The following COL19A1 variants were observed in gnomAD, a reference collection of about 807,000 sequenced individuals.
COL19A1 encodes the protein collagen type XIX alpha 1 chain.
In COL19A1, 159 loss-of-function variants were observed where a neutral mutation model predicts 190.2. That is an observed-to-expected ratio of 0.84 (90% confidence interval 0.73 to 0.95). The LOEUF (loss-of-function observed/expected upper bound fraction) is 0.95, where lower values mean the gene tolerates loss of function less well. Among genes scored for constraint, COL19A1 ranks in the 40% least tolerant of loss-of-function variants. The pLI is 0.00. For missense variants in COL19A1, 1,418 were observed against 1,431.9 expected (o/e 0.99, Z 0.16); for synonymous variants, 509 against 458.9 (o/e 1.11, Z -1.39).
chr6:70,120,109 G>C (rs1368042669), intron 16 of COL19A1, among the ~76,000 whole-genome samples: 2 of 152,024 alleles, frequency 1.3e-5, no homozygotes, highest in African/African-American at 4.8e-5. Context: ...ACAACAAAAA[G>C]AGTTTGCTAT....
chr6:69,894,138 T>C (rs1161245815), intron 2 of COL19A1, among the ~76,000 whole-genome samples: 1 of 152,244 alleles, frequency 6.6e-6, no homozygotes, highest in African/African-American at 2.4e-5. Context: ...CGGTCACTCA[T>C]ATTTGGCTGA....
chr6:70,199,822 G>A (rs1767440236), intron 49 of COL19A1, 86 bp downstream of exon 49: 1 of 1,326,020 alleles, frequency 7.5e-7, no homozygotes, highest in Non-Finnish European at 1.0e-6. Context: ...AAAAAAGTAT[G>A]TATGTATGTC....
intron 11 of COL19A1, among the ~76,000 whole-genome samples, chr6:69,985,847 G>A (rs553326539): frequency 6.6e-6 from 1 of 152,088 alleles, no homozygotes; most frequent in South Asian, 2.1e-4. Context: ...ATCTTAAAAG[G>A]CATATTATCA....
At chr6:70,178,484 A>G (rs755280069) in intron 42 of COL19A1, among the ~76,000 whole-genome samples, 1 of 152,230 alleles carries the variant, frequency 6.6e-6, no homozygotes, top group Non-Finnish European at 1.5e-5. Flanking sequence ...TTAGATTTTT[A>G]TAACTGGCCC....
chr6:70,036,604 T>C (rs1233034848), intron 14 of COL19A1, among the ~76,000 whole-genome samples: 1 of 152,152 alleles, frequency 6.6e-6, no homozygotes, highest in African/African-American at 2.4e-5. Flanking sequence ...CATAGGTGAT[T>C]AAAGATTCTT....
intron 41 of COL19A1, among the ~76,000 whole-genome samples, chr6:70,175,452 G>C (rs150701936): frequency 8.6e-5 from 13 of 151,838 alleles, no homozygotes; most frequent in African/African-American, 2.9e-4. Context: ...ATAAATCTAT[G>C]TGGAATTCAT....
intron 4 of COL19A1, among the ~76,000 whole-genome samples, chr6:69,922,840 G>T (rs541044316): frequency 6.1e-4 from 93 of 152,130 alleles, no homozygotes; most frequent in African/African-American, 2.2e-3. Flanking sequence ...GTACATCTCT[G>T]TCTTTCATTT....
rs1181014408 is a variant in COL19A1 at position 70,102,219 on chromosome 6, A to G, written c.1275A>G (p.Pro425=). ...CCGGAAAACCAGGACCCCCAGGACC[A>G]CCTGTGAGTAAACAATACAATGACT... ...GPPGKPGPPG[P]PGPPGIQGIH... is the part of the protein sequence containing the mutation. The change falls in exon 16 of 51, where the codon CCA becomes CCG. Residue 425 remains proline (P), a synonymous_variant. Transcript: ENST00000620364. The G allele has an allele frequency of 1.2e-6, 2 of 1,610,560 alleles. No homozygotes were observed. The highest frequency in any genetic ancestry group is 1.7e-5 in the Admixed American group (1 of 59,986).
At chr6:70,152,138 T>C (rs762612381) in intron 31 of COL19A1, among the ~76,000 whole-genome samples, 3 of 152,028 alleles carry the variant, frequency 2.0e-5, no homozygotes, top group Non-Finnish European at 4.4e-5. Context: ...TATGCTAAGA[T>C]TGAGTGAGGC....
chr6:70,157,274 T>C (rs1253273740), intron 34 of COL19A1, among the ~76,000 whole-genome samples: 1 of 152,160 alleles, frequency 6.6e-6, no homozygotes, highest in Non-Finnish European at 1.5e-5. Context: ...GCTCACCCGT[T>C]GGACTAAGGT....
chr6:70,036,623 T>C (rs573751241), intron 14 of COL19A1, among the ~76,000 whole-genome samples: 2 of 152,244 alleles, frequency 1.3e-5, no homozygotes, highest in South Asian at 4.1e-4. Flanking sequence ...TTATTTAACT[T>C]AAATAAGACT....
intron 36 of COL19A1, among the ~76,000 whole-genome samples, chr6:70,163,661 C>T (rs995049966): frequency 1.3e-5 from 2 of 152,160 alleles, no homozygotes; most frequent in Non-Finnish European, 2.9e-5. Context: ...CCTGGGCAAC[C>T]ATCTATGTGG....
In COL19A1 at chr6:70,110,479, C is replaced by T. The variant is rs570452141; in HGVS notation, c.1278+8257C>T. ...TTTCTCAGATTTAAAAATATAGACA[C>T]ATAAGACCTATAAAATGGAGACATG... On this transcript the variant is annotated intron_variant, in intron 16 of 50. Coordinates refer to ENST00000620364, the MANE Select transcript of COL19A1 (RefSeq NM_001858.6). 2.6e-5 allele frequency among the ~76,000 whole-genome samples: 4 copies of T among 152,216 alleles called. No individual in the cohort carries two copies. In the East Asian group the frequency reaches 5.8e-4, roughly 22 times the overall value.
At chr6:70,090,822 C>T (rs953190583) in intron 15 of COL19A1, among the ~76,000 whole-genome samples, 1 of 152,166 alleles carries the variant, frequency 6.6e-6, no homozygotes, top group African/African-American at 2.4e-5. Flanking sequence ...CAAGGCCCAG[C>T]CTAATCTGGC....
At chr6:69,969,632 T>G (rs1775310256) in intron 11 of COL19A1, among the ~76,000 whole-genome samples, 1 of 152,164 alleles carries the variant, frequency 6.6e-6, no homozygotes, top group African/African-American at 2.4e-5. Context: ...TTACATTGTG[T>G]TAGGTATTAT....
chr6:69,948,662 G>A (rs907167852), intron 9 of COL19A1, among the ~76,000 whole-genome samples: 1 of 151,792 alleles, frequency 6.6e-6, no homozygotes, highest in Non-Finnish European at 1.5e-5. Flanking sequence ...TCTTAGAAAA[G>A]AGAGGGCATT....
At chr6:70,201,050 G>T (rs1179852536) in intron 49 of COL19A1, among the ~76,000 whole-genome samples, 2 of 152,134 alleles carry the variant, frequency 1.3e-5, no homozygotes, top group Non-Finnish European at 2.9e-5. Flanking sequence ...TTCGCTGGTT[G>T]GGTCTATTCT....
intron 2 of COL19A1, among the ~76,000 whole-genome samples, chr6:69,896,603 T>C (rs1398956747): frequency 1.3e-5 from 2 of 150,972 alleles, no homozygotes; most frequent in Non-Finnish European, 3.0e-5. Context: ...AGTGTACTAA[T>C]TTCCACTCCT....
intron 49 of COL19A1, 38 bp from the exon 50 acceptor site, chr6:70,206,863 C>T (rs1485945458): frequency 6.3e-7 from 1 of 1,585,082 alleles, no homozygotes; most frequent in East Asian, 2.2e-5. Context: ...CCATAGAACC[C>T]TTTTTGTGTG....
Sources: allele counts gnomAD v4.1 joint callset (sites outside exome capture counted in the v4.1 genomes callset), GRCh38; gene constraint gnomAD v4.1.1; transcripts MANE v1.5; gene names NCBI Gene and HGNC (gene_info 2026-07-23, HGNC 2026-07-21).